TRAPPC8: variants seen among roughly 807,000 people sequenced by gnomAD.
The protein encoded by TRAPPC8 is general sporulation gene 1 homolog.
A neutral mutation model predicts 174.3 loss-of-function variants in TRAPPC8; 54 were observed. The observed-to-expected ratio is 0.31, with a 90% confidence interval of 0.25 to 0.39. The LOEUF (loss-of-function observed/expected upper bound fraction) is 0.39, where lower values mean the gene tolerates loss of function less well. Ranked by LOEUF, TRAPPC8 falls within the 10% of genes least tolerant of loss-of-function variation. The pLI is 1.00. For synonymous variants in TRAPPC8, 630 were observed against 579.9 expected, an observed-to-expected ratio of 1.09 and a Z score of -1.24; for missense variants, 1,531 against 1,699.1, an observed-to-expected ratio of 0.90 and a Z score of 1.74.
chr18:31,917,617 G>C lies in TRAPPC8; in HGVS notation c.403C>G (p.Pro135Ala), dbSNP rs775767954. 6.2e-7 allele frequency: 1 copy of C among 1,613,306 alleles called. No homozygotes were observed. The highest frequency in any genetic ancestry group is 8.5e-7 in the Non-Finnish European group (1 of 1,179,708). ...SYRETFLQSMPALDHEFLNHY... is the reference protein window; with the variant it reads ...SYRETFLQSMAALDHEFLNHY... Reference sequence around the variant, plus strand: ...TTCAGAAATTCATGATCCAATGCTGGCATCGACTGAAGAAAGGTTTCTCTG... The same window carrying C: ...TTCAGAAATTCATGATCCAATGCTGCCATCGACTGAAGAAAGGTTTCTCTG... Residue 135 changes from proline (P) to alanine (A), a missense_variant, in exon 3 of 29, where the codon CCA (proline) becomes GCA (alanine). Physicochemically the swap from Pro to Ala is conservative, Grantham distance 27 (BLOSUM62 -1). Coordinates refer to ENST00000283351, the MANE Select transcript of TRAPPC8 (RefSeq NM_014939.5).
intron 12 of TRAPPC8, among the ~76,000 whole-genome samples, chr18:31,881,554 C>G (rs1465501297): frequency 6.6e-6 from 1 of 151,968 alleles, no homozygotes; most frequent in South Asian, 2.1e-4. Flanking sequence ...TAGAAGAAAA[C>G]CCAGGAAATA....
intron 27 of TRAPPC8, among the ~76,000 whole-genome samples, chr18:31,834,353 G>A (rs984392805): frequency 1.7e-4 from 26 of 152,124 alleles, no homozygotes; most frequent in South Asian, 1.2e-3. Flanking sequence ...CAGGAGATCC[G>A]CCCGCCTTGG....
chr18:31,929,414 T>C (rs577131949), intron 2 of TRAPPC8, among the ~76,000 whole-genome samples: 1 of 151,318 alleles, frequency 6.6e-6, no homozygotes, highest in East Asian at 2.0e-4. Flanking sequence ...ATAGTCCTAA[T>C]TACTTGGGAG....
At chr18:31,851,629 T>C (rs2033707924) in intron 24 of TRAPPC8, among the ~76,000 whole-genome samples, 1 of 151,974 alleles carries the variant, frequency 6.6e-6, no homozygotes, top group Non-Finnish European at 1.5e-5. Context: ...AGTGCTGAAA[T>C]TACAGGCATG....
intron 1 of TRAPPC8, among the ~76,000 whole-genome samples, chr18:31,938,716 G>A (rs2038205058): frequency 6.6e-6 from 1 of 152,172 alleles, no homozygotes; most frequent in African/African-American, 2.4e-5. Context: ...CTAAGGAAAT[G>A]TTAGCTGGTT....
chr18:31,911,051 G>C (rs2036882269), intron 5 of TRAPPC8, among the ~76,000 whole-genome samples: 1 of 152,084 alleles, frequency 6.6e-6, no homozygotes, highest in African/African-American at 2.4e-5. Context: ...ACTACATTTA[G>C]ATTTAAAGAT....
chr18:31,937,266 C>T (rs1197146839), intron 1 of TRAPPC8, among the ~76,000 whole-genome samples: 3 of 152,124 alleles, frequency 2.0e-5, no homozygotes, highest in African/African-American at 4.8e-5. Flanking sequence ...CGCAGTGGCT[C>T]GCGCCTGTAA....
chr18:31,875,713 T>C (rs1568075420), intron 12 of TRAPPC8, among the ~76,000 whole-genome samples: 1 of 152,144 alleles, frequency 6.6e-6, no homozygotes, highest in East Asian at 1.9e-4. Flanking sequence ...GTGTTCAAAA[T>C]GGAAAATTGC....
chr18:31,931,937 G>A (rs1209628454), intron 1 of TRAPPC8, among the ~76,000 whole-genome samples: 1 of 152,124 alleles, frequency 6.6e-6, no homozygotes, highest in East Asian at 1.9e-4. Flanking sequence ...TTGCACTTGG[G>A]CTTCCTTCTT....
intron 27 of TRAPPC8, among the ~76,000 whole-genome samples, chr18:31,836,181 G>T (rs1400722519): frequency 6.6e-6 from 1 of 152,200 alleles, no homozygotes; most frequent in East Asian, 1.9e-4. Context: ...TGCTTCCAGA[G>T]AATCTGATTG....
At chr18:31,914,552 C>T (rs2037052641) in intron 4 of TRAPPC8, among the ~76,000 whole-genome samples, 1 of 152,170 alleles carries the variant, frequency 6.6e-6, no homozygotes, top group Non-Finnish European at 1.5e-5. Flanking sequence ...ATCCAACGGG[C>T]TACAGACATT....
intron 21 of TRAPPC8, among the ~76,000 whole-genome samples, chr18:31,854,586 G>A (rs1187025064): frequency 6.6e-6 from 1 of 152,110 alleles, no homozygotes; most frequent in Non-Finnish European, 1.5e-5. Context: ...ACAGAATTAA[G>A]TAACATTTCA....
At chr18:31,876,673 G>A (rs969700988) in intron 12 of TRAPPC8, among the ~76,000 whole-genome samples, 1 of 152,000 alleles carries the variant, frequency 6.6e-6, no homozygotes, top group Non-Finnish European at 1.5e-5. Flanking sequence ...ACAAGAGTTT[G>A]GCAGGGATCG....
At chr18:31,850,939 A>T (rs2033674462) in intron 24 of TRAPPC8, among the ~76,000 whole-genome samples, 1 of 152,316 alleles carries the variant, frequency 6.6e-6, no homozygotes, top group Non-Finnish European at 1.5e-5. Context: ...AAGTCCTGAA[A>T]ACTAAATTCA....
intron 9 of TRAPPC8, 23 bp downstream of exon 9, chr18:31,907,437 T>C (rs778947396): frequency 1.9e-6 from 3 of 1,547,422 alleles, no homozygotes; most frequent in East Asian, 2.3e-5. Flanking sequence ...AATTAAGGAA[T>C]TATAATACCA....
At chr18:31,842,192 T>C (rs2033140439) in intron 26 of TRAPPC8, among the ~76,000 whole-genome samples, 1 of 152,254 alleles carries the variant, frequency 6.6e-6, no homozygotes, top group Admixed American at 6.5e-5. Flanking sequence ...ATTTTACCTT[T>C]GTCCAAGGTG....
intron 12 of TRAPPC8, among the ~76,000 whole-genome samples, chr18:31,880,111 ATATATATATAT>A (rs1285677266): frequency 6.6e-5 from 6 of 90,364 alleles, no homozygotes; most frequent in Non-Finnish European, 1.2e-4. Context: ...ATATATATAT[ATATATATATAT>A]TTTTTTTTTT....
chr18:31,836,862 T>C (rs12957830), intron 27 of TRAPPC8, among the ~76,000 whole-genome samples: 38,849 of 149,960 alleles, frequency 0.26, 5,277 homozygotes, highest in Middle Eastern at 0.38. Flanking sequence ...CCTGGGTTCA[T>C]GCCATTCTCC....
intron 12 of TRAPPC8, among the ~76,000 whole-genome samples, chr18:31,890,232 A>G (rs913943377): frequency 4.6e-5 from 7 of 152,200 alleles, no homozygotes; most frequent in Admixed American, 1.3e-4. Context: ...GGGCCGGATA[A>G]ATCTCTCTAC....
Sources: allele counts gnomAD v4.1 joint callset (sites outside exome capture counted in the v4.1 genomes callset), GRCh38; gene constraint gnomAD v4.1.1; transcripts MANE v1.5; gene names NCBI Gene and HGNC (gene_info 2026-07-23, HGNC 2026-07-21).